BIRC6: variants seen among roughly 807,000 people sequenced by gnomAD.
BIRC6 encodes baculoviral IAP repeat containing 6, also known as dual E2 ubiquitin-conjugating enzyme/E3 ubiquitin-protein ligase BIRC6.
A neutral mutation model predicts 503.3 loss-of-function variants in BIRC6; 98 were observed. The ratio of observed to expected loss-of-function variants is 0.19; its 90% confidence interval spans 0.17 to 0.23. The LOEUF (loss-of-function observed/expected upper bound fraction) is 0.23. Among genes scored for constraint, BIRC6 ranks in the 10% least tolerant of loss-of-function variants. The probability of loss-of-function intolerance (pLI) is 1.00; values close to 1 mark genes in which losing one functional copy is unlikely to be tolerated. For synonymous variants in BIRC6, 2,240 were observed against 2,078.7 expected, an observed-to-expected ratio of 1.08 and a Z score of -2.11; for missense variants, 5,360 against 5,806.0, an observed-to-expected ratio of 0.92 and a Z score of 2.50.
intron 8 of BIRC6, among the ~76,000 whole-genome samples, chr2:32,401,967 A>T (rs1218029985): frequency 6.6e-6 from 1 of 152,224 alleles, no homozygotes; most frequent in Non-Finnish European, 1.5e-5. Flanking sequence ...CTTTTCATAG[A>T]GCATTCGAAC....
At chr2:32,540,237 T>G (rs2057551958) in intron 61 of BIRC6, among the ~76,000 whole-genome samples, 1 of 152,076 alleles carries the variant, frequency 6.6e-6, no homozygotes, top group South Asian at 2.1e-4. Context: ...ACTCATTTTT[T>G]GTTCTTAAAT....
At chr2:32,407,417 C>G (rs1302327079) in intron 9 of BIRC6, among the ~76,000 whole-genome samples, 1 of 147,410 alleles carries the variant, frequency 6.8e-6, no homozygotes, top group African/African-American at 2.5e-5. Flanking sequence ...TGCACTCCAG[C>G]CTGGGCAACA....
At position 32,603,064 on chromosome 2, in the gene BIRC6, A is replaced by G. The variant is rs1329094159; in HGVS notation, c.14051A>G (p.Gln4684Arg). The G allele has an allele frequency of 1.2e-6, 2 of 1,611,838 alleles. No individual in the cohort carries two copies. The highest frequency in any genetic ancestry group is 8.5e-7 in the Non-Finnish European group (1 of 1,179,148). Reference sequence around the variant, plus strand: ...AGACCAGAAGAGAAGTGGAATCCTCAGACCTCAAGCTTTTTGCAAGTAAAC... The same window carrying G: ...AGACCAGAAGAGAAGTGGAATCCTCGGACCTCAAGCTTTTTGCAAGTAAAC... Reference protein sequence around the residue: ...HGRPEEKWNPQTSSFLQVLVS... With the variant: ...HGRPEEKWNPRTSSFLQVLVS... Residue 4684 changes from glutamine to arginine, a missense_variant, in exon 71 of 74, where the codon CAG becomes CGG. Transcript: ENST00000421745.
intron 65 of BIRC6, among the ~76,000 whole-genome samples, chr2:32,562,846 A>T (rs553493001): frequency 6.6e-6 from 1 of 152,340 alleles, no homozygotes; most frequent in African/African-American, 2.4e-5. Flanking sequence ...CCTTTTGAAG[A>T]ACATCTTGAT....
chr2:32,501,714 A>G lies in BIRC6; in HGVS notation c.9033A>G (p.Gly3011=), dbSNP rs2053220088. The G allele has an allele frequency of 1.2e-6, 2 of 1,606,204 alleles. No homozygotes were observed. Among genetic ancestry groups the G allele is most frequent in the Non-Finnish European group, 1.7e-6 (2 of 1,177,512 alleles). Residue 3011 remains glycine, a splice_region_variant and synonymous_variant, in exon 47 of 74, where the codon GGA becomes GGG. Transcript: ENST00000421745. The part of the protein sequence containing the change: ...CNSSAMAMII[G]ASGLHLTKHE... ...TGTGGTATCTTTTATTTTTCTTAGG[A>G]GCAAGTGGATTACATCTCACTAAAC...
chr2:32,554,699 T>C (rs1049869007), intron 65 of BIRC6, among the ~76,000 whole-genome samples: 5 of 152,178 alleles, frequency 3.3e-5, no homozygotes, highest in African/African-American at 1.2e-4. Context: ...TGCATTTTGA[T>C]ATACCATCTG....
chr2:32,424,143 A>G (rs547648087), intron 10 of BIRC6, among the ~76,000 whole-genome samples: 1 of 152,224 alleles, frequency 6.6e-6, no homozygotes, highest in Non-Finnish European at 1.5e-5. Flanking sequence ...CTGTTTGTGA[A>G]ATTGTGAACA....
intron 37 of BIRC6, 125 bp from the exon 38 acceptor site, chr2:32,481,193 CAT>C (rs1473226227): frequency 1.3e-6 from 1 of 783,068 alleles, no homozygotes; most frequent in African/African-American, 1.8e-5. Flanking sequence ...TGTTTGCATA[CAT>C]AGAGTTTTTT....
chr2:32,537,534 C>G (rs1056671339), intron 61 of BIRC6, among the ~76,000 whole-genome samples: 2 of 152,304 alleles, frequency 1.3e-5, no homozygotes, highest in East Asian at 1.9e-4. Context: ...GAATTTTATA[C>G]TCATTGGAGA....
chr2:32,468,714 A>T lies in BIRC6; in HGVS notation c.6058A>T (p.Thr2020Ser). ...AGAAGATTTAATTCAGACATCTTCCACAGAGCAGTTACGTACTATCATCAG... is the reference window on the plus strand; with the variant it reads ...AGAAGATTTAATTCAGACATCTTCCTCAGAGCAGTTACGTACTATCATCAG... ...NPEDLIQTSS[T>S]EQLRTIIRYL... Residue 2020 changes from threonine to serine, a missense_variant, in exon 29 of 74, where the codon ACA (threonine) becomes TCA (serine). This residue lies in a region of BIRC6 where 2,299 missense variants were observed against 2,267.2 expected (regional missense o/e 1.01). Coordinates refer to ENST00000421745, the MANE Select transcript of BIRC6 (RefSeq NM_016252.4). The T allele has an allele frequency of 6.2e-7, 1 of 1,613,984 alleles. No homozygotes were observed. Among genetic ancestry groups the T allele is most frequent in the Non-Finnish European group, 8.5e-7 (1 of 1,179,842 alleles).
chr2:32,594,086 C>T (rs757299969), intron 67 of BIRC6, 26 bp downstream of exon 67: 3 of 1,591,970 alleles, frequency 1.9e-6, no homozygotes, highest in South Asian at 2.3e-5. Context: ...TATTATGCCA[C>T]TTTTCATTTG....
In BIRC6 at chr2:32,408,123, A is replaced by G. The variant is rs147162888; in HGVS notation, c.1477+1566A>G. Among the ~76,000 whole-genome samples the G allele has an allele frequency of 7.3e-3, 1,107 of 152,168 alleles. 7 individuals are homozygous for G. Among genetic ancestry groups the G allele is most frequent in the Middle Eastern group, 0.02 (6 of 294 alleles). On this transcript the variant is annotated intron_variant, in intron 9 of 73. Coordinates refer to ENST00000421745, the MANE Select transcript of BIRC6 (RefSeq NM_016252.4). ...GCTGGGATTATAGGTGCCTGCCACC[A>G]CACCTGACTAATTTTTGTATCTTTA...
chr2:32,439,125 T>C lies in BIRC6; in HGVS notation c.3632-383T>C, dbSNP rs924134494. On this transcript the variant is annotated intron_variant, in intron 15 of 73. Transcript: ENST00000421745. ...TGTGTACATGTATGCATAAGAAGACTGGATGGATATACGTTCTGTTATTAT... is the reference window on the plus strand; with the variant it reads ...TGTGTACATGTATGCATAAGAAGACCGGATGGATATACGTTCTGTTATTAT... Among the ~76,000 whole-genome samples, 14 of 152,282 alleles carry C rather than the reference T, an allele frequency of 9.2e-5. No homozygotes were observed. The East Asian group carries it at 2.3e-3, about 25-fold the overall frequency.
At chr2:32,522,709 C>CA (rs2055855935) in intron 57 of BIRC6, 1 of 152,130 alleles carries the variant, frequency 6.6e-6, no homozygotes, top group African/African-American at 2.4e-5. Flanking sequence ...TCTAAGAGCA[C>CA]AAAGCATTTT....
rs141150189 is a variant in BIRC6, at chr2:32,424,774, A to G, written c.2873-4372A>G. 7.1e-3 allele frequency among the ~76,000 whole-genome samples: 1,078 copies of G among 151,992 alleles called. 19 individuals are homozygous for G. Among genetic ancestry groups the G allele is most frequent in the African/African-American group, 0.025 (1,052 of 41,444 alleles). ...GTGATCCTCCCACCTCGCCCACCCA[A>G]CGTGCTGGGATTACAGGTGTGAGCC... On this transcript the variant is annotated intron_variant, in intron 10 of 73. Transcript: ENST00000421745.
rs748247591 is a variant in BIRC6 at position 32,469,435 on chromosome 2, C to T, written c.6168C>T (p.Ala2056=). The change falls in exon 30 of 74, where the codon GCC becomes GCT. Residue 2056 remains alanine (A), a synonymous_variant. Transcript: ENST00000421745. ...VPAVLQSTFH[A]QACEELFKHL... ...CAGTTTTGCAGAGCACATTTCATGC[C>T]CAGGCCTGTGAAGAGCTCTTTAAAC... 4.3e-6 allele frequency: 7 copies of T among 1,613,704 alleles called. No homozygotes were observed. Among genetic ancestry groups the T allele is most frequent in the African/African-American group, 1.3e-5 (1 of 74,978 alleles).
chr2:32,578,808 ATAC>A (rs200831627), intron 66 of BIRC6, among the ~76,000 whole-genome samples: 3,787 of 146,750 alleles, frequency 0.026, 67 homozygotes, highest in African/African-American at 0.066. Flanking sequence ...CAAAAAATAC[ATAC>A]ATACATACAT....
At chr2:32,538,369 A>C (rs2057401969) in intron 61 of BIRC6, among the ~76,000 whole-genome samples, 1 of 152,218 alleles carries the variant, frequency 6.6e-6, no homozygotes, top group African/African-American at 2.4e-5. Flanking sequence ...GAGAGGATAC[A>C]ATTTACAGTT....
intron 61 of BIRC6, among the ~76,000 whole-genome samples, chr2:32,533,660 T>A (rs893279747): frequency 1.3e-5 from 2 of 152,148 alleles, no homozygotes; most frequent in Non-Finnish European, 2.9e-5. Flanking sequence ...ATGTAACTCA[T>A]GGATCTCCTC....
Sources: gnomAD v4.1 joint callset for allele counts (sites outside exome capture counted in the v4.1 genomes callset) on GRCh38, gnomAD v4.1.1 for gene constraint, gnomAD v4.1.1 regional missense constraint, MANE v1.5 for transcripts, NCBI Gene and HGNC (gene_info 2026-07-23, HGNC 2026-07-21) for gene names.